The following ANK1 variants were observed in gnomAD, a reference collection of about 807,000 sequenced individuals.
ANK1 encodes the protein ankyrin 1.
A neutral mutation model predicts 210.4 loss-of-function variants in ANK1; 51 were observed. The ratio of observed to expected loss-of-function variants is 0.24; its 90% CI spans 0.19 to 0.31. The LOEUF (loss-of-function observed/expected upper bound fraction) is 0.31. ANK1 is among the 10% of genes least tolerant of loss of function. The probability of loss-of-function intolerance (pLI) is 1.00; values close to 1 mark genes in which losing one functional copy is unlikely to be tolerated. For synonymous variants in ANK1, 967 were observed against 1,025.9 expected (o/e 0.94, Z 1.10); for missense variants, 2,051 against 2,504.4 (o/e 0.82, Z 3.86).
chr8:41,885,875 T>C (rs16890907), intron 1 of ANK1, among the ~76,000 whole-genome samples: 3,272 of 152,282 alleles, frequency 0.021, 116 homozygotes, highest in African/African-American at 0.074. Flanking sequence ...TCACTCTGAG[T>C]TTCAGATCAG....
chr8:41,702,226 T>C (rs1173869560), intron 20 of ANK1, 82 bp from the exon 21 acceptor site: 2 of 1,189,370 alleles, frequency 1.7e-6, no homozygotes, highest in African/African-American at 1.5e-5. Flanking sequence ...ACAGATCGAG[T>C]TCACCTTCTA....
intron 1 of ANK1, among the ~76,000 whole-genome samples, chr8:41,784,073 A>G (rs1364521481): frequency 1.4e-5 from 2 of 141,838 alleles, no homozygotes; most frequent in Admixed American, 1.4e-4. Context: ...AAAAAAAAAA[A>G]GCTGTGAGCA....
chr8:41,684,463 A>T (rs2150577978), intron 37 of ANK1, 81 bp downstream of exon 37: 3 of 1,583,560 alleles, frequency 1.9e-6, no homozygotes, highest in Non-Finnish European at 1.7e-6. Context: ...GGGATGACGT[A>T]TTGTGGGAAG....
At chr8:41,791,032 C>T (rs1467007613) in intron 1 of ANK1, among the ~76,000 whole-genome samples, 3 of 152,100 alleles carry the variant, frequency 2.0e-5, no homozygotes, top group Non-Finnish European at 4.4e-5. Context: ...GGACAGAGGG[C>T]ACCAGGTGGC....
intron 39 of ANK1, among the ~76,000 whole-genome samples, chr8:41,666,244 G>C (rs1192381985): frequency 1.3e-5 from 2 of 151,914 alleles, no homozygotes; most frequent in African/African-American, 4.8e-5. Flanking sequence ...GCAAACGCTT[G>C]TGATAGTGCA....
rs1295185538 is a variant in ANK1 at position 41,725,742 on chromosome 8, C to T, written c.612+19G>A. On this transcript the variant is annotated intron_variant, in intron 6 of 42. Coordinates refer to ENST00000289734, the MANE Select transcript of ANK1 (RefSeq NM_000037.4). Reference sequence around the variant, plus strand: ...CGGGCGTCCGCGGCCCAAGGCTCCTCCCTCCTCCTCGCCCTCACCTTGGAA... The same window carrying T: ...CGGGCGTCCGCGGCCCAAGGCTCCTTCCTCCTCCTCGCCCTCACCTTGGAA... 2.5e-6 allele frequency: 4 copies of T among 1,604,768 alleles called. No individual in the cohort carries two copies. Among genetic ancestry groups the T allele is most frequent in the East Asian group, 4.5e-5 (2 of 44,644 alleles).
chr8:41,773,837 C>A (rs1843462330), intron 1 of ANK1, among the ~76,000 whole-genome samples: 1 of 152,084 alleles, frequency 6.6e-6, no homozygotes, highest in East Asian at 1.9e-4. Context: ...AAACCCAGTC[C>A]CGGTGCTGGA....
chr8:41,752,138 C>T (rs1212950887), intron 2 of ANK1, among the ~76,000 whole-genome samples: 1 of 152,206 alleles, frequency 6.6e-6, no homozygotes, highest in Non-Finnish European at 1.5e-5. Flanking sequence ...ACCACCCCAC[C>T]GAAATAGTCA....
intron 1 of ANK1, among the ~76,000 whole-genome samples, chr8:41,878,480 C>G (rs1302165512): frequency 6.6e-6 from 1 of 152,194 alleles, no homozygotes; most frequent in African/African-American, 2.4e-5. Context: ...TAAAAAGAAG[C>G]TCCTCTGGAC....
intron 1 of ANK1, among the ~76,000 whole-genome samples, chr8:41,790,326 T>C (rs1193258055): frequency 6.6e-6 from 1 of 152,138 alleles, no homozygotes; most frequent in Admixed American, 6.6e-5. Context: ...TTTGTATTTT[T>C]AGTAAAGACG....
Position 41,835,681 on chromosome 8 carries a change from A to G in ANK1, c.126+60674T>C, listed in dbSNP as rs968473. Among the ~76,000 whole-genome samples, 518 of 152,336 alleles carry G rather than the reference A, an allele frequency of 3.4e-3. 2 individuals carry two copies. Among genetic ancestry groups the G allele is most frequent in the African/African-American group, 0.012 (489 of 41,590 alleles). ...GCAGCCTGCACCAAGAATGGTTTTT[A>G]CATTTTTAAATAGTTGAGAAAAGGA... On this transcript the variant is annotated intron_variant, in intron 1 of 42. Coordinates refer to the ANK1 transcript ENST00000265709.
intron 1 of ANK1, among the ~76,000 whole-genome samples, chr8:41,843,329 C>A (rs1030200884): frequency 6.6e-6 from 1 of 152,172 alleles, no homozygotes; most frequent in Non-Finnish European, 1.5e-5. Flanking sequence ...CCCTGCTCTG[C>A]GATCAGACAT....
At chr8:41,840,775 G>A (rs544008627) in intron 1 of ANK1, among the ~76,000 whole-genome samples, 16 of 152,322 alleles carry the variant, frequency 1.1e-4, no homozygotes, top group South Asian at 4.1e-4. Flanking sequence ...ACCCAAACAC[G>A]CAACCCATAA....
intron 9 of ANK1, among the ~76,000 whole-genome samples, chr8:41,721,656 C>CAAAAAAAAAAA (rs55653901): frequency 3.1e-4 from 34 of 108,110 alleles, no homozygotes; most frequent in Non-Finnish European, 4.3e-4. Context: ...GACTTCATCT[C>CAAAAAAAAAAA]AAAAAAAAAA....
intron 1 of ANK1, among the ~76,000 whole-genome samples, chr8:41,795,053 C>T (rs1848500919): frequency 6.6e-6 from 1 of 152,164 alleles, no homozygotes; most frequent in Admixed American, 6.5e-5. Flanking sequence ...AGTCACTTCA[C>T]CTTTAGAAAA....
At chr8:41,872,297 A>G (rs1587544241) in intron 1 of ANK1, among the ~76,000 whole-genome samples, 1 of 152,222 alleles carries the variant, frequency 6.6e-6, no homozygotes, top group East Asian at 1.9e-4. Context: ...CGTACACAGC[A>G]CCCTCTGTCC....
chr8:41,816,475 G>A (rs1410230099), intron 1 of ANK1, among the ~76,000 whole-genome samples: 1 of 152,152 alleles, frequency 6.6e-6, no homozygotes, highest in East Asian at 1.9e-4. Flanking sequence ...GTCTTGCTCT[G>A]TCACCCAGGC....
At chr8:41,691,068 T>G (rs908280439) in intron 31 of ANK1, among the ~76,000 whole-genome samples, 1 of 152,002 alleles carries the variant, frequency 6.6e-6, no homozygotes, top group African/African-American at 2.4e-5. Context: ...ACAAATTTTT[T>G]TAAAAAAACT....
rs562420400 is a variant in ANK1 at position 41,782,664 on chromosome 8, C to A, written c.27+14848G>T. Among the ~76,000 whole-genome samples, 8 of 152,278 alleles carry A rather than the reference C, an allele frequency of 5.3e-5. No homozygotes were observed. The South Asian group carries it at 1.5e-3, about 28-fold the overall frequency. Reference sequence around the variant, plus strand: ...TCTCAGATTCTCGCTGAATTGAATTCTAAGCATTTTATTTGAATCAAAATA... The same window carrying A: ...TCTCAGATTCTCGCTGAATTGAATTATAAGCATTTTATTTGAATCAAAATA... On this transcript the variant is annotated intron_variant, in intron 1 of 42. Transcript: ENST00000289734.
Sources: gnomAD v4.1 joint callset for allele counts (sites outside exome capture counted in the v4.1 genomes callset) on GRCh38, gnomAD v4.1.1 for gene constraint, MANE v1.5 for transcripts, NCBI Gene and HGNC (gene_info 2026-07-23, HGNC 2026-07-21) for gene names.